The following NT5DC1 variants were observed in gnomAD, a reference collection of about 807,000 sequenced individuals.
The protein encoded by NT5DC1 is 5'-nucleotidase domain containing 1, also known as 5'-nucleotidase domain-containing protein 1.
NT5DC1 carries 42 observed loss-of-function variants against 59.4 expected under a neutral mutation model. That is an observed-to-expected ratio of 0.71 (90% CI 0.55 to 0.92). The LOEUF (loss-of-function observed/expected upper bound fraction) is 0.92, where lower values mean the gene tolerates loss of function less well. Ranked by LOEUF, NT5DC1 falls within the 40% of genes least tolerant of loss-of-function variation. The probability of loss-of-function intolerance (pLI) is 0.00; values close to 1 mark genes in which losing one functional copy is unlikely to be tolerated. For missense variants in NT5DC1, 501 were observed against 537.1 expected, an observed-to-expected ratio of 0.93 and a Z score of 0.66; for synonymous variants, 172 against 188.1, an observed-to-expected ratio of 0.91 and a Z score of 0.70.
intron 6 of NT5DC1, among the ~76,000 whole-genome samples, chr6:116,123,727 TCTAAA>T (rs1779206802): frequency 6.6e-6 from 1 of 152,240 alleles, no homozygotes; most frequent in South Asian, 2.1e-4. Flanking sequence ...TGAGTGTCTA[TCTAAA>T]AAGAGACTAA....
intron 6 of NT5DC1, among the ~76,000 whole-genome samples, chr6:116,142,602 T>G (rs575130874): frequency 4.2e-4 from 64 of 152,162 alleles, no homozygotes; most frequent in Non-Finnish European, 7.9e-4. Context: ...TGTTTTTTCC[T>G]TAGAGTCAGG....
intron 6 of NT5DC1, among the ~76,000 whole-genome samples, chr6:116,150,875 A>C (rs1780021502): frequency 6.6e-6 from 1 of 152,214 alleles, no homozygotes; most frequent in South Asian, 2.1e-4. Context: ...TGTAATAAAT[A>C]CATTGTTCAT....
At chr6:116,193,735 G>T (rs1444458514) in intron 6 of NT5DC1, among the ~76,000 whole-genome samples, 2 of 148,218 alleles carry the variant, frequency 1.3e-5, no homozygotes, top group East Asian at 3.9e-4. Flanking sequence ...TTTCATCTTT[G>T]TTGTTGGACT....
Position 116,101,720 on chromosome 6 carries a change from A to G in NT5DC1, c.93+697A>G, listed in dbSNP as rs553404792. 7.2e-5 allele frequency among the ~76,000 whole-genome samples: 11 copies of G among 152,268 alleles called. No homozygotes were observed. In the South Asian group the frequency reaches 2.3e-3, roughly 32 times the overall value. On this transcript the variant is annotated intron_variant, in intron 1 of 11. Coordinates refer to ENST00000319550, the MANE Select transcript of NT5DC1 (RefSeq NM_152729.3). ...CCTCACTGTGCCCTGAGGGAGGGGG[A>G]CATGGAGTATGCATGCTTCCAGACC...
rs1771883784 is a variant in NT5DC1 at position 116,248,114 on chromosome 6, GTT to G, written c.*4094_*4095del. 1 of 152,160 alleles carries G rather than the reference GTT, an allele frequency of 6.6e-6. No individual in the cohort carries two copies. Among genetic ancestry groups the G allele is most frequent in the Non-Finnish European group, 1.5e-5 (1 of 68,030 alleles). The allele number at this position is 152,160 out of a possible 1,614,324, so 9.4% of individuals were successfully genotyped here. ...GCCTGAATAGTCATGTGTCAGTAGG[GTT>G]TTTGTTAACATTTGTATGCCAAATT... On this transcript the variant is annotated 3_prime_UTR_variant, in exon 12 of 12. Coordinates refer to ENST00000319550, the MANE Select transcript of NT5DC1 (RefSeq NM_152729.3).
intron 5 of NT5DC1, among the ~76,000 whole-genome samples, 160 bp from the exon 6 acceptor site, chr6:116,117,701 A>G (rs1778992611): frequency 6.6e-6 from 1 of 152,228 alleles, no homozygotes; most frequent in Non-Finnish European, 1.5e-5. Context: ...TTAAGTTTCT[A>G]CTGAATCTTC....
chr6:116,126,244 A>G (rs964159248), intron 6 of NT5DC1: 4 of 152,176 alleles, frequency 2.6e-5, no homozygotes, highest in Non-Finnish European at 1.5e-5. Flanking sequence ...TATGGTGGAA[A>G]GTTCTATTGG....
At position 116,106,313 on chromosome 6, in the gene NT5DC1, A is replaced by G; in HGVS notation, c.163A>G (p.Thr55Ala). ...GTACGATAAGGAATTGCTCAATGTG[A>G]CCCCAGAGGATTGGGATTTCTGGTA... The part of the protein sequence containing the change: ...KGYDKELLNV[T>A]PEDWDFCCKG... Residue 55 changes from threonine (T) to alanine (A), a missense_variant, in exon 2 of 12, where the codon ACC becomes GCC. Thr to Ala is a moderately conservative substitution (Grantham distance 58, BLOSUM62 0). Coordinates refer to ENST00000319550, the MANE Select transcript of NT5DC1 (RefSeq NM_152729.3). 2 of 1,529,558 alleles carry G rather than the reference A, an allele frequency of 1.3e-6. No homozygotes were observed. The highest frequency in any genetic ancestry group is 1.8e-6 in the Non-Finnish European group (2 of 1,106,758). 94.7% of individuals were successfully genotyped at this position (1,529,558 alleles called of 1,614,324 possible).
At chr6:116,140,009 C>T (rs1024084928) in intron 6 of NT5DC1, among the ~76,000 whole-genome samples, 4 of 152,108 alleles carry the variant, frequency 2.6e-5, no homozygotes, top group East Asian at 1.9e-4. Context: ...AAGAGACTTA[C>T]GTGATAGATA....
chr6:116,163,280 T>C (rs887828091), intron 6 of NT5DC1, among the ~76,000 whole-genome samples: 5 of 150,822 alleles, frequency 3.3e-5, no homozygotes, highest in African/African-American at 1.2e-4. Flanking sequence ...GATCTTTTAT[T>C]ACTGATTCAA....
intron 6 of NT5DC1, among the ~76,000 whole-genome samples, chr6:116,209,161 C>T (rs1206089189): frequency 3.3e-5 from 5 of 151,960 alleles, no homozygotes. Context: ...TTAAATACTA[C>T]ATATCAGGAT....
At chr6:116,123,293 C>A (rs1207651178) in intron 6 of NT5DC1, among the ~76,000 whole-genome samples, 1 of 152,090 alleles carries the variant, frequency 6.6e-6, no homozygotes, top group Non-Finnish European at 1.5e-5. Flanking sequence ...GGAATGTTGT[C>A]CTAATGGGTC....
At chr6:116,164,927 T>A (rs559703093) in intron 6 of NT5DC1, among the ~76,000 whole-genome samples, 18 of 151,702 alleles carry the variant, frequency 1.2e-4, no homozygotes, top group African/African-American at 4.3e-4. Context: ...ACTAAAAAAA[T>A]AAATAAATAA....
chr6:116,102,702 G>T (rs1343544963), intron 1 of NT5DC1, among the ~76,000 whole-genome samples: 2 of 152,166 alleles, frequency 1.3e-5, no homozygotes, highest in Non-Finnish European at 2.9e-5. Context: ...ATTGAGTTTT[G>T]GATCATGTTT....
At position 116,204,236 on chromosome 6, in the gene NT5DC1, A is replaced by C. The variant is rs927701114; in HGVS notation, c.530-16818A>C. On this transcript the variant is annotated intron_variant, in intron 6 of 11. Coordinates refer to ENST00000319550, the MANE Select transcript of NT5DC1 (RefSeq NM_152729.3). ...GTGTGTTTGTTGAATTTTTATAATA[A>C]AGTAACTTCATAAATAGCCCTCAAT... Among the ~76,000 whole-genome samples, 8 of 152,124 alleles carry C rather than the reference A, an allele frequency of 5.3e-5. No homozygotes were observed. The East Asian group carries it at 1.6e-3, about 30-fold the overall frequency.
chr6:116,244,331 C>A lies in NT5DC1; in HGVS notation c.*307C>A. The A allele has an allele frequency of 5.7e-6, 1 of 175,906 alleles. No homozygotes were observed. The highest frequency in any genetic ancestry group is 1.2e-5 in the Non-Finnish European group (1 of 83,908). 10.9% of individuals were successfully genotyped at this position (175,906 alleles called of 1,614,324 possible). On this transcript the variant is annotated 3_prime_UTR_variant, in exon 12 of 12. Transcript: ENST00000319550. Reference sequence around the variant, plus strand: ...TACACATATGCCTAGTCCAGTGGTTCTCAAAGTGTGATCCATAGACTAATA... The same window carrying A: ...TACACATATGCCTAGTCCAGTGGTTATCAAAGTGTGATCCATAGACTAATA...
chr6:116,137,241 C>T (rs531770485), intron 6 of NT5DC1: 1 of 157,662 alleles, frequency 6.3e-6, no homozygotes, highest in African/African-American at 2.4e-5. Flanking sequence ...TTGACTCAGA[C>T]CAGATTTCAA....
chr6:116,143,579 C>T (rs1273991004), intron 6 of NT5DC1, among the ~76,000 whole-genome samples: 4 of 151,994 alleles, frequency 2.6e-5, no homozygotes, highest in Admixed American at 2.6e-4. Context: ...TTTTTTAATC[C>T]TATGAAAATT....
chr6:116,187,701 A>C lies in NT5DC1; in HGVS notation c.530-33353A>C, dbSNP rs554660357. On this transcript the variant is annotated intron_variant, in intron 6 of 11. Transcript: ENST00000319550. ...TGATCCCTACTCACATATTAGACAAAAATCAATTTCACATGGATTATAGAA... is the reference window on the plus strand; with the variant it reads ...TGATCCCTACTCACATATTAGACAACAATCAATTTCACATGGATTATAGAA... Among the ~76,000 whole-genome samples, 7 of 152,196 alleles carry C rather than the reference A, an allele frequency of 4.6e-5. No individual in the cohort carries two copies. The South Asian group carries it at 1.2e-3, about 27-fold the overall frequency.
Sources: gnomAD v4.1 joint callset for allele counts (sites outside exome capture counted in the v4.1 genomes callset) on GRCh38, gnomAD v4.1.1 for gene constraint, MANE v1.5 for transcripts, NCBI Gene and HGNC (gene_info 2026-07-23, HGNC 2026-07-21) for gene names.